SNX13: variants seen among roughly 807,000 people sequenced by gnomAD.
SNX13 encodes the protein sorting nexin-13.
Under a neutral mutation model 133.6 loss-of-function variants are expected in SNX13, and 45 were observed. The ratio of observed to expected loss-of-function variants is 0.34; its 90% CI spans 0.27 to 0.43. The LOEUF is 0.43. Ranked by LOEUF, SNX13 falls within the 20% of genes least tolerant of loss-of-function variation. SNX13 has a pLI of 1.00. For synonymous variants in SNX13, 414 were observed against 373.9 expected, an observed-to-expected ratio of 1.11 and a Z score of -1.24; for missense variants, 1,032 against 1,145.1, an observed-to-expected ratio of 0.90 and a Z score of 1.43.
chr7:17,916,145 C>G (rs1261446752), intron 1 of SNX13, among the ~76,000 whole-genome samples: 1 of 152,114 alleles, frequency 6.6e-6, no homozygotes, highest in African/African-American at 2.4e-5. Context: ...GCGACAAACA[C>G]AGTGTTAAGA....
rs188453163 is a variant in SNX13, at chr7:17,890,386, G to A, written c.417C>T (p.Asn139=). 74 of 1,611,054 alleles carry A rather than the reference G, an allele frequency of 4.6e-5. 1 individual carries two copies. The African/African-American group carries it at 5.7e-4, about 13-fold the overall frequency. ...ACCTAGTAGCAAACTGAATGAGTGC[G>A]TTTTGAAGAGTCTGCCTAATTTCAA... ...FLLEIRQTLQ[N]ALIQFATRSK... is the part of the protein sequence containing the mutation. Residue 139 remains asparagine, a synonymous_variant, in exon 5 of 26, where the codon AAC becomes AAT. Coordinates refer to ENST00000428135, the MANE Select transcript of SNX13 (RefSeq NM_015132.5).
rs144550466 is a variant in SNX13 at position 17,921,946 on chromosome 7, T to G, written c.12+18338A>C. On this transcript the variant is annotated intron_variant, in intron 1 of 25. Transcript: ENST00000428135. ...GGATAATCCATCAAATATGCTACTT[T>G]TAATATCATAAGCATTTCACCTCCA... 5.2e-3 allele frequency among the ~76,000 whole-genome samples: 799 copies of G among 152,334 alleles called. 11 individuals carry two copies. The highest frequency in any genetic ancestry group is 5.6e-3 in the Non-Finnish European group (379 of 68,034).
chr7:17,868,154 T>C (rs1189583293), intron 9 of SNX13: 3 of 375,866 alleles, frequency 8.0e-6, no homozygotes, highest in Middle Eastern at 7.7e-4. Flanking sequence ...TAGTAAAATA[T>C]TCTATTTTTT....
chr7:17,822,427 G>T (rs1787403228), intron 17 of SNX13, among the ~76,000 whole-genome samples: 1 of 152,026 alleles, frequency 6.6e-6, no homozygotes, highest in Admixed American at 6.6e-5. Context: ...TCTGTATCTG[G>T]TCTATTTCTT....
Position 17,821,587 on chromosome 7 carries a change from G to C in SNX13, c.1767C>G (p.Asn589Lys). Residue 589 changes from asparagine (N) to lysine (K), a missense_variant, in exon 18 of 26, where the codon AAC becomes AAG. Transcript: ENST00000428135. ...TTTTCCACATCTCCTCACTGTTTAG[G>C]TTGCGCCGGTGTACAGTGATGGCAT... ...ALYAITVHRRNLNSEEMWKTY... is the reference protein window; with the variant it reads ...ALYAITVHRRKLNSEEMWKTY... The C allele has an allele frequency of 6.2e-7, 1 of 1,613,592 alleles. No individual in the cohort carries two copies. The highest frequency in any genetic ancestry group is 8.5e-7 in the Non-Finnish European group (1 of 1,179,682).
At chr7:17,814,984 C>T in intron 19 of SNX13, 40 bp from the exon 20 acceptor site, 2 of 1,339,338 alleles carry the variant, frequency 1.5e-6, no homozygotes, top group South Asian at 2.0e-5. Context: ...TTATCTTAAA[C>T]TGACAGAATG....
At chr7:17,815,050 A>C (rs1411234085) in intron 19 of SNX13, 106 bp from the exon 20 acceptor site, 1 of 1,184,084 alleles carries the variant, frequency 8.4e-7, no homozygotes, top group East Asian at 3.2e-5. Context: ...ATGTATAGTA[A>C]AAAATATTGA....
chr7:17,936,775 A>G (rs978235693), intron 1 of SNX13, among the ~76,000 whole-genome samples: 1 of 151,924 alleles, frequency 6.6e-6, no homozygotes, highest in African/African-American at 2.4e-5. Flanking sequence ...TCTCAGGTAA[A>G]CAAACATCCC....
rs567845802 is a variant in SNX13, at chr7:17,893,695, C to T, written c.126-261G>A. On this transcript the variant is annotated intron_variant, in intron 2 of 25. Coordinates refer to ENST00000428135, the MANE Select transcript of SNX13 (RefSeq NM_015132.5). ...TTTCCTAAAGAATCTTGTGACAAGG[C>T]CAGGTGTGGTGGCTCATGCCTGTAA... 4.6e-5 allele frequency among the ~76,000 whole-genome samples: 7 copies of T among 152,222 alleles called. No individual in the cohort carries two copies. In the East Asian group the frequency reaches 1.4e-3, roughly 29 times the overall value.
In SNX13 at chr7:17,801,288, C is replaced by T. The variant is rs564521177; in HGVS notation, c.2298+300G>A. ...AAAGTCAGACTTCATGGAATACGTA[C>T]CTTACAGTTTCATATATACAAAGTA... On this transcript the variant is annotated intron_variant, in intron 22 of 25. Coordinates refer to ENST00000428135, the MANE Select transcript of SNX13 (RefSeq NM_015132.5). Among the ~76,000 whole-genome samples, 4 of 151,476 alleles carry T rather than the reference C, an allele frequency of 2.6e-5. No homozygotes were observed. In the South Asian group the frequency reaches 8.3e-4, roughly 31 times the overall value.
At chr7:17,805,571 T>A (rs1490608877) in intron 20 of SNX13, among the ~76,000 whole-genome samples, 1 of 152,170 alleles carries the variant, frequency 6.6e-6, no homozygotes, top group African/African-American at 2.4e-5. Context: ...TTCAATTTAA[T>A]CTCCAACCTG....
Position 17,792,531 on chromosome 7 carries a change from A to G in SNX13, c.*1514T>C, listed in dbSNP as rs1372044152. 1.3e-5 allele frequency: 2 copies of G among 152,440 alleles called. No individual in the cohort carries two copies. The highest frequency in any genetic ancestry group is 4.8e-5 in the African/African-American group (2 of 41,428). The allele number at this position is 152,440 out of a possible 1,614,324, so 9.4% of individuals were successfully genotyped here. A position where few individuals can be genotyped will look rare whatever the true frequency, so the allele number is the denominator to read the frequency against. On this transcript the variant is annotated 3_prime_UTR_variant, in exon 26 of 26. Coordinates refer to ENST00000428135, the MANE Select transcript of SNX13 (RefSeq NM_015132.5). ...TAAGTAGGATCTAAGTGAAAACAAGACAGTGATATCTTGTTCCAATCTTAA... is the reference window on the plus strand; with the variant it reads ...TAAGTAGGATCTAAGTGAAAACAAGGCAGTGATATCTTGTTCCAATCTTAA...
chr7:17,923,301 T>G (rs1385939294), intron 1 of SNX13, among the ~76,000 whole-genome samples: 1 of 152,218 alleles, frequency 6.6e-6, no homozygotes, highest in Admixed American at 6.5e-5. Context: ...GACTTGTATA[T>G]AGAAAGTTTT....
In SNX13 at chr7:17,875,587, G is replaced by T. The variant is rs778102950; in HGVS notation, c.563-6C>A. 1.9e-6 allele frequency: 3 copies of T among 1,609,100 alleles called. No individual in the cohort carries two copies. On this transcript the variant is annotated splice_region_variant and splice_polypyrimidine_tract_variant and intron_variant, in intron 6 of 25. Coordinates refer to ENST00000428135, the MANE Select transcript of SNX13 (RefSeq NM_015132.5). The stretch of plus-strand genomic sequence containing the variant: ...TACAAGATCTTCTGCTGTACCTAAA[G>T]AAAAACAATTCAAGATATATAAAAT...
At chr7:17,829,059 C>G (rs1788202602) in intron 16 of SNX13, among the ~76,000 whole-genome samples, 1 of 151,456 alleles carries the variant, frequency 6.6e-6, no homozygotes, top group African/African-American at 2.4e-5. Context: ...GACAATTCTA[C>G]CACAGATTTG....
At position 17,796,902 on chromosome 7, in the gene SNX13, C is replaced by T; in HGVS notation, c.2551G>A (p.Val851Ile). Reference sequence around the variant, plus strand: ...CGAATACTTTTATCTCTGCATGGAACAGCCTCTGCTAAAATGCCATTTGGC... The same window carrying T: ...CGAATACTTTTATCTCTGCATGGAATAGCCTCTGCTAAAATGCCATTTGGC... ...FWPNGILAEA[V>I]PCRDKSIRMR... Residue 851 changes from valine (V) to isoleucine (I), a missense_variant, in exon 25 of 26, where the codon GTT (valine) becomes ATT (isoleucine). Val to Ile is a conservative substitution (Grantham distance 29). Coordinates refer to ENST00000428135, the MANE Select transcript of SNX13 (RefSeq NM_015132.5). 1.2e-6 allele frequency: 2 copies of T among 1,611,146 alleles called. No individual in the cohort carries two copies. Among genetic ancestry groups the T allele is most frequent in the Middle Eastern group, 1.7e-4 (1 of 6,046 alleles).
intron 1 of SNX13, among the ~76,000 whole-genome samples, chr7:17,898,557 G>C (rs772741034): frequency 2.0e-4 from 31 of 152,176 alleles, no homozygotes; most frequent in Non-Finnish European, 4.1e-4. Flanking sequence ...ATTCTAGTAA[G>C]GAAAGAAACA....
At position 17,850,416 on chromosome 7, in the gene SNX13, AT is replaced by A; in HGVS notation, c.995del (p.Asn332IlefsTer3). 6.3e-7 allele frequency: 1 copy of A among 1,580,230 alleles called. No individual in the cohort carries two copies. On this transcript the variant is annotated frameshift_variant, in exon 11 of 26. Transcript: ENST00000428135. LOFTEE classifies it high-confidence loss of function. ...TTACGAATAGTAAGCTATTTATTTG[AT>A]TTTTGATAGTGTTGATATCTAAAAG... ...TAGDDINTIKNQINSLLFVKK... is the reference protein window; with the variant it reads ...TAGDDINTIKXQINSLLFVKK...
intron 5 of SNX13, chr7:17,888,449 T>C (rs879924793): frequency 1.0e-5 from 2 of 199,998 alleles, no homozygotes; most frequent in Admixed American, 6.0e-5. Flanking sequence ...AGCAGGAAAC[T>C]AAGATAAATA....
Sources: allele counts gnomAD v4.1 joint callset (sites outside exome capture counted in the v4.1 genomes callset), GRCh38; gene constraint gnomAD v4.1.1; transcripts MANE v1.5; gene names NCBI Gene and HGNC (gene_info 2026-07-23, HGNC 2026-07-21).